FRAS1: variants seen among roughly 807,000 people sequenced by gnomAD.
FRAS1 encodes the protein Fraser extracellular matrix complex subunit 1.
A neutral mutation model predicts 435.2 loss-of-function variants in FRAS1; 290 were observed. The ratio of observed to expected loss-of-function variants is 0.67; its 90% CI spans 0.61 to 0.73. FRAS1 has a LOEUF of 0.73. Ranked by LOEUF, FRAS1 falls within the 30% of genes least tolerant of loss-of-function variation. The pLI is 0.00. For missense variants in FRAS1, 4,860 were observed against 5,001.5 expected, an observed-to-expected ratio of 0.97 and a Z score of 0.85; for synonymous variants, 1,800 against 1,851.0, an observed-to-expected ratio of 0.97 and a Z score of 0.71.
chr4:78,345,155 G>C (rs919597089), intron 20 of FRAS1, among the ~76,000 whole-genome samples: 2 of 152,148 alleles, frequency 1.3e-5, no homozygotes, highest in Non-Finnish European at 2.9e-5. Context: ...GATTAGATAT[G>C]TGTTTCATGT....
At chr4:78,412,101 G>A (rs767046246) in intron 31 of FRAS1, among the ~76,000 whole-genome samples, 55 of 151,382 alleles carry the variant, frequency 3.6e-4, no homozygotes, top group Non-Finnish European at 5.3e-4. Flanking sequence ...CCTTAAAAAC[G>A]TGTATTTTGA....
intron 67 of FRAS1, among the ~76,000 whole-genome samples, chr4:78,519,802 C>A (rs1340893863): frequency 6.6e-6 from 1 of 152,128 alleles, no homozygotes; most frequent in Non-Finnish European, 1.5e-5. Flanking sequence ...TCATTTTCTC[C>A]TAGTGAAAAA....
At chr4:78,233,972 G>C (rs1724628228) in intron 2 of FRAS1, among the ~76,000 whole-genome samples, 1 of 152,212 alleles carries the variant, frequency 6.6e-6, no homozygotes, top group Non-Finnish European at 1.5e-5. Flanking sequence ...CAGCCTTGCA[G>C]GAAGATGGCA....
Position 78,384,858 on chromosome 4 carries a change from C to T in FRAS1, c.3648+715C>T, listed in dbSNP as rs531642098. On this transcript the variant is annotated intron_variant, in intron 28 of 73. Coordinates refer to ENST00000512123, the MANE Select transcript of FRAS1 (RefSeq NM_025074.7). Reference sequence around the variant, plus strand: ...GGGAGGTTGAGGCTGCAATGAATGACGATCATGCCACCGTGCCCCAGCCTG... The same window carrying T: ...GGGAGGTTGAGGCTGCAATGAATGATGATCATGCCACCGTGCCCCAGCCTG... Among the ~76,000 whole-genome samples, 4 of 144,206 alleles carry T rather than the reference C, an allele frequency of 2.8e-5. No homozygotes were observed. The South Asian group carries it at 6.5e-4, about 23-fold the overall frequency. The allele number at this position is 144,206 out of a possible 152,430, so 94.6% of individuals were successfully genotyped here. A position where few individuals can be genotyped will look rare whatever the true frequency, so the allele number is the denominator to read the frequency against.
chr4:78,323,826 A>G (rs1204754112), intron 18 of FRAS1, among the ~76,000 whole-genome samples: 2 of 152,038 alleles, frequency 1.3e-5, no homozygotes, highest in Admixed American at 6.5e-5. Context: ...TTCTTCTACT[A>G]TGGTTGAAGG....
intron 2 of FRAS1, among the ~76,000 whole-genome samples, chr4:78,122,411 G>A (rs1719084124): frequency 6.6e-6 from 1 of 152,008 alleles, no homozygotes. Flanking sequence ...CATCTTTGCT[G>A]TTGTGAATAG....
intron 2 of FRAS1, among the ~76,000 whole-genome samples, chr4:78,128,452 G>A (rs1719496436): frequency 6.6e-6 from 1 of 152,150 alleles, no homozygotes; most frequent in African/African-American, 2.4e-5. Flanking sequence ...ATTCTAACTG[G>A]TGTGAGATGG....
At chr4:78,283,996 T>C (rs943822) in intron 12 of FRAS1, among the ~76,000 whole-genome samples, 1 of 151,954 alleles carries the variant, frequency 6.6e-6, no homozygotes, top group Non-Finnish European at 1.5e-5. Context: ...TTTTTCAACA[T>C]TGTGGGTTTT....
chr4:78,102,145 G>A (rs1227856873), intron 2 of FRAS1, among the ~76,000 whole-genome samples: 1 of 151,942 alleles, frequency 6.6e-6, no homozygotes, highest in Admixed American at 6.6e-5. Flanking sequence ...GGAAACAAAA[G>A]GACAAGAAAA....
chr4:78,150,034 G>C (rs1720579389), intron 2 of FRAS1, among the ~76,000 whole-genome samples: 1 of 152,212 alleles, frequency 6.6e-6, no homozygotes, highest in Admixed American at 6.5e-5. Context: ...TAATGAAGCA[G>C]AAAATCAAGA....
In FRAS1 at chr4:78,379,844, TCTC is replaced by T; in HGVS notation, c.3414_3416del (p.Leu1139del). 6.2e-7 allele frequency: 1 copy of T among 1,613,858 alleles called. No individual in the cohort carries two copies. Among genetic ancestry groups the T allele is most frequent in the Non-Finnish European group, 8.5e-7 (1 of 1,179,836 alleles). On this transcript the variant is annotated inframe_deletion, in exon 27 of 74. Coordinates refer to ENST00000512123, the MANE Select transcript of FRAS1 (RefSeq NM_025074.7). ...AAGACCAGGAGGGTAGGGTCGAAGA[TCTC>T]CTATTTCATGTTGTGAGCACTCCCA...
At chr4:78,517,793 G>A (rs1197112451) in intron 66 of FRAS1, among the ~76,000 whole-genome samples, 2 of 151,968 alleles carry the variant, frequency 1.3e-5, no homozygotes, top group African/African-American at 4.8e-5. Context: ...GGCTAAAGGA[G>A]GATAAACAAA....
At chr4:78,168,748 G>A (rs1177340591) in intron 2 of FRAS1, among the ~76,000 whole-genome samples, 1 of 152,068 alleles carries the variant, frequency 6.6e-6, no homozygotes, top group African/African-American at 2.4e-5. Context: ...TGGTGGATGG[G>A]AGTAGCTTCT....
At chr4:78,080,332 A>G (rs1343933540) in intron 2 of FRAS1, among the ~76,000 whole-genome samples, 1 of 152,174 alleles carries the variant, frequency 6.6e-6, no homozygotes, top group Non-Finnish European at 1.5e-5. Flanking sequence ...AGAAGTGTCC[A>G]TTAGATAAGA....
intron 15 of FRAS1, 34 bp from the exon 16 acceptor site, chr4:78,315,560 G>T: frequency 1.3e-6 from 2 of 1,589,152 alleles, no homozygotes; most frequent in Non-Finnish European, 1.7e-6. Context: ...GCTCACTATT[G>T]CCTTTCTCTG....
intron 44 of FRAS1, among the ~76,000 whole-genome samples, chr4:78,449,559 A>G (rs1718954470): frequency 6.6e-6 from 1 of 152,172 alleles, no homozygotes; most frequent in Non-Finnish European, 1.5e-5. Flanking sequence ...AAAGCAAGTG[A>G]CAAGACCCTG....
At chr4:78,100,076 A>G (rs1365796545) in intron 2 of FRAS1, among the ~76,000 whole-genome samples, 1 of 152,202 alleles carries the variant, frequency 6.6e-6, no homozygotes, top group Non-Finnish European at 1.5e-5. Flanking sequence ...ATCCATCCTA[A>G]TTTCCAGGTT....
At chr4:78,498,842 T>TTTTATTTGTTTA (rs1553892285) in intron 60 of FRAS1, among the ~76,000 whole-genome samples, 3 of 147,688 alleles carry the variant, frequency 2.0e-5, no homozygotes, top group Non-Finnish European at 4.5e-5. Flanking sequence ...CAATATATTA[T>TTTTATTTGTTTA]TTTATTTATT....
chr4:78,103,520 A>C (rs1399128494), intron 2 of FRAS1, among the ~76,000 whole-genome samples: 1 of 152,166 alleles, frequency 6.6e-6, no homozygotes, highest in African/African-American at 2.4e-5. Context: ...GTAATGTATT[A>C]TAGTTTGCTA....
Sources: gnomAD v4.1 joint callset for allele counts (sites outside exome capture counted in the v4.1 genomes callset) on GRCh38, gnomAD v4.1.1 for gene constraint, MANE v1.5 for transcripts, NCBI Gene and HGNC (gene_info 2026-07-23, HGNC 2026-07-21) for gene names.